Variants in TRAPPC9 observed in about 807,000 individuals in gnomAD.
TRAPPC9 encodes the protein trafficking protein particle complex subunit 9.
In TRAPPC9, 83 loss-of-function variants were observed where a neutral mutation model predicts 124.0. The ratio of observed to expected loss-of-function variants is 0.67; its 90% CI spans 0.56 to 0.80. The LOEUF is 0.80. TRAPPC9 is among the 30% of genes least tolerant of loss of function. TRAPPC9 has a pLI of 0.00. For missense variants in TRAPPC9, 1,302 were observed against 1,508.3 expected (o/e 0.86, Z 2.27); for synonymous variants, 638 against 617.5 (o/e 1.03, Z -0.49).
rs936853389 is a variant in TRAPPC9, at chr8:139,997,889, A to G, written c.2700-9053T>C. 1.6e-3 allele frequency among the ~76,000 whole-genome samples: 93 copies of G among 57,726 alleles called. 4 individuals carry two copies. The highest frequency in any genetic ancestry group is 2.8e-3 in the Non-Finnish European group (56 of 19,998). 37.9% of individuals were successfully genotyped at this position (57,726 alleles called of 152,430 possible). ...CAATGCATCCCACACAGGGGAGACA[A>G]TGCATCCCACACAGGGGAGACAATG... On this transcript the variant is annotated intron_variant, in intron 18 of 22. Transcript: ENST00000438773.
chr8:140,064,197 C>A (rs561112415), intron 17 of TRAPPC9, among the ~76,000 whole-genome samples: 2 of 152,244 alleles, frequency 1.3e-5, no homozygotes, highest in South Asian at 2.1e-4. Flanking sequence ...ACCCACATGA[C>A]CCTTTCCTGG....
At chr8:140,232,903 G>A (rs1360343178) in intron 16 of TRAPPC9, among the ~76,000 whole-genome samples, 1 of 152,200 alleles carries the variant, frequency 6.6e-6, no homozygotes, top group African/African-American at 2.4e-5. Context: ...AAGAATGGTG[G>A]TTTCCCAAGC....
intron 21 of TRAPPC9, among the ~76,000 whole-genome samples, chr8:139,865,944 C>T (rs1828504076): frequency 6.6e-6 from 1 of 152,120 alleles, no homozygotes. Context: ...AAGCCTGAGA[C>T]ATCAATCAAA....
Position 140,456,807 on chromosome 8 carries a change from T to C in TRAPPC9, c.-11+832A>G, listed in dbSNP as rs79688672. 9.6e-3 allele frequency: 9,488 copies of C among 985,400 alleles called. 47 individuals carry two copies. Among genetic ancestry groups the C allele is most frequent in the Middle Eastern group, 0.026 (50 of 1,914 alleles). 61.0% of individuals were successfully genotyped at this position (985,400 alleles called of 1,614,324 possible). On this transcript the variant is annotated intron_variant, in intron 1 of 22. Transcript: ENST00000438773. ...AAGTCACTCCCCCATACCTTTCAAC[T>C]GGGCCTTGCTTCCAGCGTTTTAATT...
chr8:139,889,062 T>G (rs544273951), intron 20 of TRAPPC9, among the ~76,000 whole-genome samples: 24 of 152,330 alleles, frequency 1.6e-4, no homozygotes, highest in African/African-American at 5.8e-4. Flanking sequence ...TGCCAACAGA[T>G]GAATGAATCA....
At chr8:140,172,363 T>C (rs547182386) in intron 17 of TRAPPC9, among the ~76,000 whole-genome samples, 8 of 148,266 alleles carry the variant, frequency 5.4e-5, no homozygotes, top group African/African-American at 2.0e-4. Context: ...CTCTGGACAA[T>C]GGAGGGGGAG....
chr8:140,093,235 T>C (rs1844688616), intron 17 of TRAPPC9, among the ~76,000 whole-genome samples: 1 of 152,226 alleles, frequency 6.6e-6, no homozygotes, highest in African/African-American at 2.4e-5. Context: ...TGGAGGTGCA[T>C]CCTGTGCAGG....
intron 18 of TRAPPC9, among the ~76,000 whole-genome samples, chr8:140,023,032 G>A (rs1839910834): frequency 6.6e-6 from 1 of 151,478 alleles, no homozygotes; most frequent in Non-Finnish European, 1.5e-5. Flanking sequence ...GAGGAGGAGG[G>A]GCTGCACGGG....
intron 9 of TRAPPC9, among the ~76,000 whole-genome samples, chr8:140,336,081 A>C (rs1381802292): frequency 6.6e-6 from 1 of 151,656 alleles, no homozygotes; most frequent in Non-Finnish European, 1.5e-5. Flanking sequence ...TTTTTTTTTC[A>C]CAACTCAAAT....
chr8:140,421,175 T>C (rs1200882659), intron 5 of TRAPPC9, among the ~76,000 whole-genome samples: 3 of 152,192 alleles, frequency 2.0e-5, no homozygotes, highest in Non-Finnish European at 4.4e-5. Context: ...ATTTTTTAAA[T>C]AGAATTCTAA....
chr8:140,312,758 CT>C (rs553049081), intron 9 of TRAPPC9, among the ~76,000 whole-genome samples: 321 of 98,570 alleles, frequency 3.3e-3, no homozygotes, highest in South Asian at 0.013. Context: ...TCTTCTTCTT[CT>C]TTTTTTTTTT....
intron 17 of TRAPPC9, among the ~76,000 whole-genome samples, chr8:140,031,507 G>A (rs746296061): frequency 6.6e-6 from 1 of 152,116 alleles, no homozygotes; most frequent in East Asian, 1.9e-4. Flanking sequence ...CTGTCACCAC[G>A]GATTTCCTTC....
In TRAPPC9 at chr8:140,257,512, C is replaced by T. The variant is rs1163281390; in HGVS notation, c.2279-4583G>A. Among the ~76,000 whole-genome samples, 1 of 152,170 alleles carries T rather than the reference C, an allele frequency of 6.6e-6. No individual in the cohort carries two copies. Among genetic ancestry groups the T allele is most frequent in the East Asian group, 1.9e-4 (1 of 5,194 alleles). On this transcript the variant is annotated intron_variant, in intron 15 of 22. Transcript: ENST00000438773. This position sits in a 1 kb window ranked among gnomAD's most constrained non-coding sequence, Gnocchi z 4.6. ...AGCCCAGGAGTGGGAAAAAGGACCC[C>T]GTGCCATGCGAGCGCACAGGGGAGG...
In TRAPPC9 at chr8:139,984,355, T is replaced by C. The variant is rs1251390917; in HGVS notation, c.2810+4371A>G. Among the ~76,000 whole-genome samples, 1 of 152,040 alleles carries C rather than the reference T, an allele frequency of 6.6e-6. No individual in the cohort carries two copies. The highest frequency in any genetic ancestry group is 2.4e-5 in the African/African-American group (1 of 41,392). On this transcript the variant is annotated intron_variant, in intron 19 of 22. Transcript: ENST00000438773. The surrounding 1 kb of genome is among the most constrained non-coding windows in gnomAD (Gnocchi z 4.3). ...GATGAAGCTGGAGTCTCAGCCCCAC[T>C]ACTGCCCACACCTCCAGGCAGAGCC...
At chr8:140,025,224 G>A (rs780639529) in intron 17 of TRAPPC9, among the ~76,000 whole-genome samples, 4 of 152,184 alleles carry the variant, frequency 2.6e-5, no homozygotes, top group Admixed American at 1.3e-4. Context: ...GTTCCCCTCC[G>A]GACTGAAGGA....
intron 19 of TRAPPC9, among the ~76,000 whole-genome samples, chr8:139,939,777 G>A (rs1833787108): frequency 6.6e-6 from 1 of 152,192 alleles, no homozygotes; most frequent in Non-Finnish European, 1.5e-5. Context: ...CAGTTCCTAA[G>A]TCCTAGAATT....
At chr8:139,994,421 CA>C (rs1216999980) in intron 18 of TRAPPC9, among the ~76,000 whole-genome samples, 3 of 152,260 alleles carry the variant, frequency 2.0e-5, no homozygotes, top group African/African-American at 7.2e-5. Context: ...TCTCACACTT[CA>C]TCCATGCACT....
At chr8:140,149,882 C>T (rs2061518599) in intron 17 of TRAPPC9, among the ~76,000 whole-genome samples, 1 of 152,154 alleles carries the variant, frequency 6.6e-6, no homozygotes, top group Non-Finnish European at 1.5e-5. Context: ...ATCATGCATA[C>T]ATACATGCAT....
intron 15 of TRAPPC9, among the ~76,000 whole-genome samples, chr8:140,273,473 G>A (rs781551469): frequency 7.9e-5 from 12 of 152,268 alleles, no homozygotes; most frequent in East Asian, 1.9e-4. Context: ...GAGACAGGCC[G>A]CCCGTGTTTT....
Sources: gnomAD v4.1 joint callset for allele counts (sites outside exome capture counted in the v4.1 genomes callset) on GRCh38, gnomAD v4.1.1 for gene constraint, Gnocchi (gnomAD v3.1) non-coding constraint, MANE v1.5 for transcripts, NCBI Gene and HGNC (gene_info 2026-07-23, HGNC 2026-07-21) for gene names.